CRTAM: variants seen among roughly 807,000 people sequenced by gnomAD.
The protein encoded by CRTAM is cytotoxic and regulatory T cell molecule.
In CRTAM, 44 loss-of-function variants were observed where a neutral mutation model predicts 50.0. That is an observed-to-expected ratio of 0.88 (90% CI 0.69 to 1.13). CRTAM has a LOEUF of 1.13. Among genes scored for constraint, CRTAM ranks in the 50% most tolerant of loss-of-function variants. The pLI, the probability that CRTAM is intolerant of heterozygous loss-of-function variation, is 0.00. For missense variants in CRTAM, 448 were observed against 457.5 expected (o/e 0.98, Z 0.19); for synonymous variants, 159 against 169.3 (o/e 0.94, Z 0.47).
intron 1 of CRTAM, among the ~76,000 whole-genome samples, chr11:122,848,704 C>A (rs1051634687): frequency 1.3e-5 from 2 of 152,140 alleles, no homozygotes; most frequent in Non-Finnish European, 2.9e-5. Context: ...AAAATATATT[C>A]TCCTGGTTTC....
At chr11:122,859,203 G>A (rs1483747369) in intron 5 of CRTAM, among the ~76,000 whole-genome samples, 1 of 152,026 alleles carries the variant, frequency 6.6e-6, no homozygotes, top group Non-Finnish European at 1.5e-5. Flanking sequence ...CCGCCTCCTG[G>A]GTTCCAGTGA....
At chr11:122,851,635 A>G in intron 2 of CRTAM, 58 bp from the exon 3 acceptor site, 3 of 1,540,144 alleles carry the variant, frequency 1.9e-6, no homozygotes, top group South Asian at 1.1e-5. Context: ...TACTGGGTAG[A>G]GGCCAACGAT....
rs1416790529 is a variant in CRTAM, at chr11:122,871,326, CAAAG to C, written c.1111_1114del (p.Lys371GlyfsTer10). The C allele has an allele frequency of 6.2e-7, 1 of 1,613,434 alleles. No individual in the cohort carries two copies. Among genetic ancestry groups the C allele is most frequent in the Non-Finnish European group, 8.5e-7 (1 of 1,179,652 alleles). ...ACAAAGTTGTACTCAGAAGCAAAAACAAAGAGGAAGGAAAATGTACAACATTCAA... is the reference window on the plus strand; with the variant it reads ...ACAAAGTTGTACTCAGAAGCAAAAACAGGAAGGAAAATGTACAACATTCAA... On this transcript the variant is annotated frameshift_variant, in exon 10 of 10. Transcript: ENST00000227348. LOFTEE classifies it high-confidence loss of function.
intron 9 of CRTAM, among the ~76,000 whole-genome samples, chr11:122,870,908 G>A (rs767434364): frequency 6.6e-5 from 10 of 152,026 alleles, no homozygotes; most frequent in South Asian, 2.1e-4. Context: ...GTGAAACCCC[G>A]TCTCTACAAA....
intron 5 of CRTAM, among the ~76,000 whole-genome samples, chr11:122,858,819 C>T (rs1862036589): frequency 6.6e-6 from 1 of 152,198 alleles, no homozygotes; most frequent in Admixed American, 6.5e-5. Context: ...TGAGCTACTG[C>T]ACCTGGTTTA....
chr11:122,838,593 G>A lies in CRTAM; in HGVS notation c.46+1G>A. The A allele has an allele frequency of 6.2e-7, 1 of 1,614,066 alleles. No homozygotes were observed. The highest frequency in any genetic ancestry group is 8.5e-7 in the Non-Finnish European group (1 of 1,179,908). On this transcript the variant is annotated splice_donor_variant, in intron 1 of 9. Transcript: ENST00000227348. LOFTEE classifies it high-confidence loss of function. ...TTGCTGGCATGGTTCCCCTTGCAAGGTAAGGACTTAGAGTTATTTTTGTTG... is the reference window on the plus strand; with the variant it reads ...TTGCTGGCATGGTTCCCCTTGCAAGATAAGGACTTAGAGTTATTTTTGTTG...
At chr11:122,858,220 T>A (rs930696149) in intron 5 of CRTAM, among the ~76,000 whole-genome samples, 2 of 151,854 alleles carry the variant, frequency 1.3e-5, no homozygotes, top group African/African-American at 4.8e-5. Flanking sequence ...GATTTCAGAA[T>A]TATCATTTAT....
chr11:122,869,820 T>C lies in CRTAM; in HGVS notation c.1052-1449T>C, dbSNP rs11218876. ...TAGCTGGGAAAGGAACACAAGAGAA[T>C]TGACTGTGTGAAAACTGGGGGTGGG... On this transcript the variant is annotated intron_variant, in intron 9 of 9. Transcript: ENST00000227348. Among the ~76,000 whole-genome samples, 306 of 152,250 alleles carry C rather than the reference T, an allele frequency of 2.0e-3. 4 individuals carry two copies. The East Asian group carries it at 0.054, about 27-fold the overall frequency.
chr11:122,850,301 G>T (rs1171986461), intron 2 of CRTAM, 87 bp downstream of exon 2: 1 of 1,366,872 alleles, frequency 7.3e-7, no homozygotes, highest in Non-Finnish European at 9.9e-7. Context: ...CAGAAAGCCT[G>T]CATGAGTCAC....
In CRTAM at chr11:122,867,057, T is replaced by C. The variant is rs560714451; in HGVS notation, c.818-352T>C. On this transcript the variant is annotated intron_variant, in intron 7 of 9. Coordinates refer to ENST00000227348, the MANE Select transcript of CRTAM (RefSeq NM_019604.4). Reference sequence around the variant, plus strand: ...TCCCTCTTGCTACTTAACTATATTTTGCTAAAAATCATTCCTAAAGCTAAT... The same window carrying C: ...TCCCTCTTGCTACTTAACTATATTTCGCTAAAAATCATTCCTAAAGCTAAT... 5.9e-5 allele frequency among the ~76,000 whole-genome samples: 9 copies of C among 152,342 alleles called. No individual in the cohort carries two copies. The South Asian group carries it at 1.9e-3, about 32-fold the overall frequency.
intron 5 of CRTAM, among the ~76,000 whole-genome samples, chr11:122,861,420 ATTTTTTTTTTTTTT>A (rs66619023): frequency 3.9e-5 from 1 of 25,624 alleles, no homozygotes; most frequent in African/African-American, 1.5e-4. Flanking sequence ...ATATATATAT[ATTTTTTTTTTTTTT>A]TTTTTTTTTT....
chr11:122,857,239 C>T (rs1393852639), intron 5 of CRTAM, among the ~76,000 whole-genome samples: 2 of 152,114 alleles, frequency 1.3e-5, no homozygotes, highest in African/African-American at 4.8e-5. Context: ...GAAGCCGAGG[C>T]GGGCAGATCA....
intron 5 of CRTAM, among the ~76,000 whole-genome samples, chr11:122,857,165 G>A (rs574176198): frequency 2.4e-4 from 36 of 152,306 alleles, no homozygotes; most frequent in African/African-American, 8.7e-4. Context: ...TATAGCTAAA[G>A]ATGTTTTTAA....
chr11:122,849,145 G>C (rs189914350), intron 1 of CRTAM, among the ~76,000 whole-genome samples: 2 of 152,126 alleles, frequency 1.3e-5, no homozygotes, highest in Non-Finnish European at 2.9e-5. Context: ...TTGCCCTGAA[G>C]GGTAACTCCG....
At chr11:122,861,046 C>T (rs1286206002) in intron 5 of CRTAM, among the ~76,000 whole-genome samples, 1 of 152,112 alleles carries the variant, frequency 6.6e-6, no homozygotes, top group South Asian at 2.1e-4. Context: ...GACTAGCATT[C>T]CAGCTTTTCC....
intron 1 of CRTAM, among the ~76,000 whole-genome samples, chr11:122,839,784 C>T (rs962630026): frequency 4.6e-5 from 7 of 152,170 alleles, no homozygotes; most frequent in African/African-American, 1.7e-4. Context: ...TGCACCTATC[C>T]TTCTAAATCT....
chr11:122,846,740 A>G (rs1014634105), intron 1 of CRTAM, among the ~76,000 whole-genome samples: 6 of 152,198 alleles, frequency 3.9e-5, no homozygotes, highest in African/African-American at 9.7e-5. Context: ...AAATGAAAAG[A>G]ACTCATTATC....
chr11:122,855,978 C>T (rs1361779358), intron 5 of CRTAM, 122 bp downstream of exon 5: 1 of 780,182 alleles, frequency 1.3e-6, no homozygotes, highest in South Asian at 1.9e-5. Context: ...CAAAGCTTTC[C>T]TAATAGCAAA....
At chr11:122,844,464 A>T (rs1348122475) in intron 1 of CRTAM, among the ~76,000 whole-genome samples, 1 of 152,188 alleles carries the variant, frequency 6.6e-6, no homozygotes, top group Non-Finnish European at 1.5e-5. Context: ...ATGTTTCTTA[A>T]TACTACTCTT....
Sources: allele counts gnomAD v4.1 joint callset (sites outside exome capture counted in the v4.1 genomes callset), GRCh38; gene constraint gnomAD v4.1.1; transcripts MANE v1.5; gene names NCBI Gene and HGNC (gene_info 2026-07-23, HGNC 2026-07-21).